The following PLCB1 variants were observed in gnomAD, a reference collection of about 807,000 sequenced individuals.
PLCB1 encodes the protein phospholipase C beta 1.
PLCB1 carries 46 observed loss-of-function variants against 161.8 expected under a neutral mutation model. The ratio of observed to expected loss-of-function variants is 0.28; its 90% CI spans 0.22 to 0.36. The LOEUF (loss-of-function observed/expected upper bound fraction) is 0.36. Among genes scored for constraint, PLCB1 ranks in the 10% least tolerant of loss-of-function variants. The pLI, the probability that PLCB1 is intolerant of heterozygous loss-of-function variation, is 1.00. For synonymous variants in PLCB1, 517 were observed against 503.7 expected (o/e 1.03, Z -0.35); for missense variants, 1,016 against 1,472.5 (o/e 0.69, Z 5.07).
chr20:8,748,140 C>T (rs1484802696), intron 23 of PLCB1, among the ~76,000 whole-genome samples: 1 of 152,166 alleles, frequency 6.6e-6, no homozygotes, highest in East Asian at 1.9e-4. Context: ...AATCCCTGAA[C>T]TTTAAAGCAT....
In PLCB1 at chr20:8,475,531, C is replaced by T. The variant is rs555814067; in HGVS notation, c.246+104081C>T. ...TAACTGAGGCACAGAGGAGTTCAGC[C>T]TGTGTTCGGAGTCACACAGCTGGTA... is the stretch of plus-strand genomic sequence containing the variant. On this transcript the variant is annotated intron_variant, in intron 3 of 31. Transcript: ENST00000338037. Among the ~76,000 whole-genome samples, 14 of 152,332 alleles carry T rather than the reference C, an allele frequency of 9.2e-5. No homozygotes were observed. The South Asian group carries it at 2.9e-3, about 32-fold the overall frequency.
chr20:8,440,886 T>C (rs544502497), intron 3 of PLCB1, among the ~76,000 whole-genome samples: 12 of 152,078 alleles, frequency 7.9e-5, no homozygotes, highest in Non-Finnish European at 1.2e-4. Flanking sequence ...CACTATATGT[T>C]ATATGGATCG....
intron 2 of PLCB1, among the ~76,000 whole-genome samples, chr20:8,151,601 C>A (rs181898122): frequency 6.6e-6 from 1 of 152,230 alleles, no homozygotes; most frequent in East Asian, 1.9e-4. Flanking sequence ...GTGTTAATCG[C>A]TTTGGCTTAG....
At chr20:8,205,327 A>G (rs1166204574) in intron 2 of PLCB1, among the ~76,000 whole-genome samples, 1 of 152,190 alleles carries the variant, frequency 6.6e-6, no homozygotes, top group Non-Finnish European at 1.5e-5. Context: ...TGAAATACTT[A>G]TACAAAAACA....
intron 2 of PLCB1, among the ~76,000 whole-genome samples, chr20:8,202,717 A>G (rs909179179): frequency 1.3e-5 from 2 of 152,164 alleles, no homozygotes; most frequent in African/African-American, 4.8e-5. Flanking sequence ...AGGGATAAAG[A>G]CCTCATAATG....
At chr20:8,881,183 A>G (rs1987967693) in intron 31 of PLCB1, among the ~76,000 whole-genome samples, 1 of 152,056 alleles carries the variant, frequency 6.6e-6, no homozygotes, top group South Asian at 2.1e-4. Context: ...GTATTTTAGT[A>G]GAGATGGAGT....
chr20:8,179,954 G>A (rs1337759826), intron 2 of PLCB1, among the ~76,000 whole-genome samples: 2 of 142,962 alleles, frequency 1.4e-5, no homozygotes, highest in African/African-American at 5.3e-5. Flanking sequence ...CGCCTCCCGG[G>A]TTCGCACCAT....
intron 9 of PLCB1, among the ~76,000 whole-genome samples, chr20:8,683,050 T>C (rs946722052): frequency 1.3e-5 from 2 of 152,098 alleles, no homozygotes; most frequent in Non-Finnish European, 2.9e-5. Context: ...TATAAAAATA[T>C]AGATAGTTGC....
At chr20:8,300,572 G>T (rs1983861166) in intron 2 of PLCB1, among the ~76,000 whole-genome samples, 1 of 151,926 alleles carries the variant, frequency 6.6e-6, no homozygotes, top group South Asian at 2.1e-4. Flanking sequence ...TTAAGTTTTA[G>T]GGTACATGTG....
intron 29 of PLCB1, 72 bp downstream of exon 29, chr20:8,788,794 G>A (rs766887849): frequency 7.7e-5 from 74 of 965,490 alleles, no homozygotes; most frequent in Non-Finnish European, 1.1e-4. Flanking sequence ...CAGAGTCACA[G>A]GTTCATAACC....
chr20:8,198,081 A>G (rs1355096432), intron 2 of PLCB1, among the ~76,000 whole-genome samples: 2 of 152,152 alleles, frequency 1.3e-5, no homozygotes, highest in African/African-American at 4.8e-5. Context: ...TATAGTTTGA[A>G]GTCAGGTAGT....
At chr20:8,192,609 G>C (rs2051981638) in intron 2 of PLCB1, among the ~76,000 whole-genome samples, 1 of 151,648 alleles carries the variant, frequency 6.6e-6, no homozygotes, top group African/African-American at 2.4e-5. Flanking sequence ...AGGCAAGACT[G>C]TACTCATATC....
chr20:8,546,273 C>G (rs1985541347), intron 3 of PLCB1, among the ~76,000 whole-genome samples: 1 of 142,004 alleles, frequency 7.0e-6, no homozygotes, highest in African/African-American at 2.7e-5. Context: ...GAGATCGCGC[C>G]ACTGACTCCA....
At chr20:8,633,147 CAT>C (rs1568538058) in intron 4 of PLCB1, among the ~76,000 whole-genome samples, 1 of 118,812 alleles carries the variant, frequency 8.4e-6, no homozygotes, top group Non-Finnish European at 1.7e-5. Context: ...CACACACACA[CAT>C]ATTATAAAGA....
intron 26 of PLCB1, among the ~76,000 whole-genome samples, chr20:8,770,791 G>A (rs1184554871): frequency 6.6e-6 from 1 of 152,228 alleles, no homozygotes; most frequent in Non-Finnish European, 1.5e-5. Context: ...TCAGTGAGCA[G>A]AGGCATGACT....
At chr20:8,433,342 TG>T (rs1980140531) in intron 3 of PLCB1, among the ~76,000 whole-genome samples, 1 of 148,810 alleles carries the variant, frequency 6.7e-6, no homozygotes. Flanking sequence ...AGAAAAATCT[TG>T]GGAAAAATTA....
At chr20:8,644,486 G>T (rs1402202132) in intron 4 of PLCB1, among the ~76,000 whole-genome samples, 1 of 134,420 alleles carries the variant, frequency 7.4e-6, no homozygotes, top group Non-Finnish European at 1.6e-5. Context: ...GCCCAGCCGC[G>T]ACCCCGTCTG....
At chr20:8,280,173 TA>T (rs2123282604) in intron 2 of PLCB1, among the ~76,000 whole-genome samples, 1 of 151,876 alleles carries the variant, frequency 6.6e-6, no homozygotes, top group Admixed American at 6.6e-5. Flanking sequence ...CCGTCTCTAT[TA>T]AAAATACAAA....
chr20:8,289,960 A>T (rs1325649575), intron 2 of PLCB1, among the ~76,000 whole-genome samples: 1 of 152,192 alleles, frequency 6.6e-6, no homozygotes, highest in Non-Finnish European at 1.5e-5. Context: ...CTTTTGTAAT[A>T]TTTCAACATT....
Sources: gnomAD v4.1 joint callset for allele counts (sites outside exome capture counted in the v4.1 genomes callset) on GRCh38, gnomAD v4.1.1 for gene constraint, MANE v1.5 for transcripts, NCBI Gene and HGNC (gene_info 2026-07-23, HGNC 2026-07-21) for gene names.